The following CTNNA2 variants were observed in gnomAD, a reference collection of about 807,000 sequenced individuals.
CTNNA2 encodes the protein catenin alpha 2.
CTNNA2 carries 42 observed loss-of-function variants against 101.0 expected under a neutral mutation model. The observed-to-expected ratio is 0.42, with a 90% CI of 0.32 to 0.54. The LOEUF (loss-of-function observed/expected upper bound fraction) is 0.54. Ranked by LOEUF, CTNNA2 falls within the 20% of genes least tolerant of loss-of-function variation. CTNNA2 has a pLI of 0.14. For missense variants in CTNNA2, 871 were observed against 1,223.1 expected, an observed-to-expected ratio of 0.71 and a Z score of 4.29; for synonymous variants, 450 against 456.4, an observed-to-expected ratio of 0.99 and a Z score of 0.18.
chr2:79,890,238 T>C (rs953724048), intron 6 of CTNNA2, among the ~76,000 whole-genome samples: 1 of 152,194 alleles, frequency 6.6e-6, no homozygotes, highest in African/African-American at 2.4e-5. Context: ...AAAGATGACA[T>C]AGACTGTGGT....
chr2:79,941,779 G>A (rs777093476), intron 7 of CTNNA2, among the ~76,000 whole-genome samples: 2 of 151,830 alleles, frequency 1.3e-5, no homozygotes, highest in Non-Finnish European at 2.9e-5. Context: ...CCACCATGCC[G>A]GGCTAATTTT....
intron 2 of CTNNA2, among the ~76,000 whole-genome samples, chr2:79,212,310 TG>T (rs1175971845): frequency 6.6e-6 from 1 of 152,100 alleles, no homozygotes; most frequent in African/African-American, 2.4e-5. Context: ...ACAAGTTTTT[TG>T]GGGCACAGTC....
chr2:80,329,793 G>T (rs1671157827), intron 7 of CTNNA2, among the ~76,000 whole-genome samples: 1 of 152,176 alleles, frequency 6.6e-6, no homozygotes, highest in African/African-American at 2.4e-5. Flanking sequence ...TAGGGGAATG[G>T]CTCAGTATGT....
chr2:79,594,495 CAGTT>C (rs1297411300), intron 1 of CTNNA2, among the ~76,000 whole-genome samples: 5 of 152,256 alleles, frequency 3.3e-5, no homozygotes, highest in Middle Eastern at 3.4e-3. Flanking sequence ...TTCTTAAAAA[CAGTT>C]AGAATAGCGC....
At chr2:79,255,513 A>T (rs1674832764) in intron 2 of CTNNA2, among the ~76,000 whole-genome samples, 1 of 152,218 alleles carries the variant, frequency 6.6e-6, no homozygotes, top group Non-Finnish European at 1.5e-5. Context: ...GCAGAGTTAC[A>T]ACTGAGGCAT....
At chr2:80,549,742 A>G (rs1437977014) in intron 11 of CTNNA2, among the ~76,000 whole-genome samples, 1 of 152,144 alleles carries the variant, frequency 6.6e-6, no homozygotes, top group East Asian at 1.9e-4. Context: ...TCAGAATAAA[A>G]GTGTGTAATT....
At chr2:80,137,616 G>A (rs1012864877) in intron 7 of CTNNA2, among the ~76,000 whole-genome samples, 1 of 152,098 alleles carries the variant, frequency 6.6e-6, no homozygotes, top group Admixed American at 6.6e-5. Flanking sequence ...CACTGGAAAG[G>A]TGCTCTCAGG....
At chr2:79,796,393 T>TAAAAAA (rs1675700005) in intron 3 of CTNNA2, among the ~76,000 whole-genome samples, 1 of 53,576 alleles carries the variant, frequency 1.9e-5, no homozygotes, top group African/African-American at 2.5e-4. Flanking sequence ...AGACTCCGTC[T>TAAAAAA]CAAAAAAAAA....
At chr2:79,568,858 CAAAAAAAAAAAAAAAAA>C (rs540965419) in intron 1 of CTNNA2, among the ~76,000 whole-genome samples, 2 of 68,964 alleles carry the variant, frequency 2.9e-5, no homozygotes, top group South Asian at 5.8e-4. Context: ...TCTGTTTCTA[CAAAAAAAAAAAAAAAAA>C]AAAAAAAAAA....
chr2:79,402,421 A>G (rs998958659), intron 4 of CTNNA2, among the ~76,000 whole-genome samples: 2 of 152,012 alleles, frequency 1.3e-5, no homozygotes, highest in East Asian at 3.9e-4. Context: ...CCTGAAACTG[A>G]TAATACTACT....
At chr2:79,643,550 A>G (rs556452141) in intron 1 of CTNNA2, among the ~76,000 whole-genome samples, 1 of 152,280 alleles carries the variant, frequency 6.6e-6, no homozygotes, top group East Asian at 1.9e-4. Flanking sequence ...AAATCTGAGA[A>G]CTATTTGTAT....
At chr2:80,189,170 T>C (rs1475476491) in intron 7 of CTNNA2, among the ~76,000 whole-genome samples, 1 of 152,046 alleles carries the variant, frequency 6.6e-6, no homozygotes, top group East Asian at 1.9e-4. Flanking sequence ...GCCTGGCTGG[T>C]CTCAAACTCC....
At chr2:80,063,112 C>G (rs1003157969) in intron 7 of CTNNA2, among the ~76,000 whole-genome samples, 4 of 151,912 alleles carry the variant, frequency 2.6e-5, no homozygotes, top group African/African-American at 9.7e-5. Context: ...TTTTCTTTTT[C>G]TGATTGGAAG....
chr2:80,357,239 T>G (rs556684), intron 7 of CTNNA2, among the ~76,000 whole-genome samples: 1,455 of 138,386 alleles, frequency 0.011, 30 homozygotes, highest in African/African-American at 0.036. Context: ...ATTTTTTTTT[T>G]GTTTTTTTTT....
intron 7 of CTNNA2, among the ~76,000 whole-genome samples, chr2:80,222,156 G>C (rs1157082052): frequency 6.6e-6 from 1 of 152,070 alleles, no homozygotes; most frequent in African/African-American, 2.4e-5. Context: ...AAAAGCACTG[G>C]TGACAAAAAC....
intron 18 of CTNNA2, among the ~76,000 whole-genome samples, chr2:80,623,615 A>G (rs955118547): frequency 2.6e-5 from 4 of 151,902 alleles, no homozygotes; most frequent in Admixed American, 2.0e-4. Context: ...GATCAGGATT[A>G]TCTGCATGCC....
intron 1 of CTNNA2, among the ~76,000 whole-genome samples, chr2:79,526,996 T>C (rs576435931): frequency 6.6e-6 from 1 of 152,128 alleles, no homozygotes; most frequent in South Asian, 2.1e-4. Flanking sequence ...AGAAGAAAAA[T>C]AATGTAAATT....
At chr2:79,701,393 G>C (rs987430382) in intron 2 of CTNNA2, among the ~76,000 whole-genome samples, 23 of 152,106 alleles carry the variant, frequency 1.5e-4, no homozygotes, top group Non-Finnish European at 2.6e-4. Context: ...CACCCCAAAG[G>C]CTAGTCTAAC....
chr2:79,913,088 C>T (rs1685922446), intron 7 of CTNNA2, among the ~76,000 whole-genome samples: 1 of 152,184 alleles, frequency 6.6e-6, no homozygotes, highest in African/African-American at 2.4e-5. Flanking sequence ...ATGCAGCTTA[C>T]ACTGTTGTGG....
Sources: allele counts gnomAD v4.1 joint callset (sites outside exome capture counted in the v4.1 genomes callset), GRCh38; gene constraint gnomAD v4.1.1; transcripts MANE v1.5; gene names NCBI Gene and HGNC (gene_info 2026-07-23, HGNC 2026-07-21).